Variants in ANO3 observed in about 807,000 individuals in gnomAD.
ANO3 encodes anoctamin-3.
Under a neutral mutation model 144.8 loss-of-function variants are expected in ANO3, and 99 were observed. The observed-to-expected ratio is 0.68, with a 90% CI of 0.58 to 0.81. The LOEUF is 0.81. Ranked by LOEUF, ANO3 falls within the 30% of genes least tolerant of loss-of-function variation. ANO3 has a pLI of 0.00. For synonymous variants in ANO3, 414 were observed against 392.6 expected (o/e 1.05, Z -0.64); for missense variants, 905 against 1,202.2 (o/e 0.75, Z 3.66).
chr11:26,338,164 G>T (rs751381076), intron 1 of ANO3, among the ~76,000 whole-genome samples: 41 of 152,014 alleles, frequency 2.7e-4, no homozygotes, highest in Non-Finnish European at 4.7e-4. Context: ...ATATTGTGTG[G>T]ACACTATTAC....
chr11:26,241,411 C>T (rs752337476), intron 1 of ANO3, among the ~76,000 whole-genome samples: 14 of 152,112 alleles, frequency 9.2e-5, no homozygotes, highest in Non-Finnish European at 1.3e-4. Context: ...AATATTGCCC[C>T]TGATTTTGTC....
chr11:26,244,988 T>TGG (rs1852751644), intron 1 of ANO3, among the ~76,000 whole-genome samples: 1 of 129,156 alleles, frequency 7.7e-6, no homozygotes, highest in Non-Finnish European at 1.7e-5. Context: ...TGTGTGTGTG[T>TGG]GTGTGTGTGT....
intron 1 of ANO3, among the ~76,000 whole-genome samples, chr11:26,438,152 T>C (rs1858360596): frequency 6.6e-6 from 1 of 152,182 alleles, no homozygotes; most frequent in Non-Finnish European, 1.5e-5. Flanking sequence ...CAATTGATTA[T>C]TTATAATTTC....
chr11:26,495,494 T>C (rs992573087), intron 4 of ANO3, among the ~76,000 whole-genome samples: 7 of 152,138 alleles, frequency 4.6e-5, no homozygotes, highest in Non-Finnish European at 1.0e-4. Flanking sequence ...TTTTATGATA[T>C]GTTTTCCATG....
intron 24 of ANO3, among the ~76,000 whole-genome samples, chr11:26,652,585 T>C (rs1044425771): frequency 1.3e-5 from 2 of 152,218 alleles, no homozygotes; most frequent in Non-Finnish European, 2.9e-5. Flanking sequence ...ATACATTATG[T>C]ATTTTGCCTC....
intron 14 of ANO3, among the ~76,000 whole-genome samples, chr11:26,564,720 CACACACACACACATATATATATAT>C (rs1488770193): frequency 2.4e-3 from 180 of 75,474 alleles, no homozygotes; most frequent in Non-Finnish European, 4.0e-3. Context: ...CACACACACA[CACACACACACACATATATATATAT>C]ATATATATAT....
chr11:26,464,918 G>A (rs773709650), intron 4 of ANO3, among the ~76,000 whole-genome samples: 2 of 151,726 alleles, frequency 1.3e-5, no homozygotes, highest in Non-Finnish European at 2.9e-5. Flanking sequence ...TAACCAGAAT[G>A]TTTAAATGCC....
intron 1 of ANO3, among the ~76,000 whole-genome samples, chr11:26,320,950 G>T (rs1312110507): frequency 1.3e-5 from 2 of 151,996 alleles, no homozygotes; most frequent in Non-Finnish European, 2.9e-5. Flanking sequence ...GATATGCTTG[G>T]CTGGATTCAT....
intron 1 of ANO3, among the ~76,000 whole-genome samples, chr11:26,387,705 G>T (rs1590318034): frequency 6.6e-6 from 1 of 151,954 alleles, no homozygotes; most frequent in East Asian, 1.9e-4. Flanking sequence ...GTGTCTTTGG[G>T]TTATCTTTTT....
At chr11:26,629,550 A>C (rs2133028445) in intron 18 of ANO3, among the ~76,000 whole-genome samples, 1 of 152,282 alleles carries the variant, frequency 6.6e-6, no homozygotes, top group South Asian at 2.1e-4. Flanking sequence ...AGGACCTAAT[A>C]TTTTAGACAA....
intron 14 of ANO3, chr11:26,565,461 G>T (rs1850532540): frequency 6.2e-7 from 1 of 1,613,202 alleles, no homozygotes; most frequent in African/African-American, 1.3e-5. Flanking sequence ...TGCTGAGATG[G>T]GCAAAAGATC....
chr11:26,559,237 A>G (rs1850185842), intron 13 of ANO3: 1 of 153,882 alleles, frequency 6.5e-6, no homozygotes, highest in African/African-American at 2.4e-5. Context: ...TATTGGACCC[A>G]TTCTACATTT....
chr11:26,615,595 G>A (rs1239829398), intron 17 of ANO3, among the ~76,000 whole-genome samples: 1 of 151,850 alleles, frequency 6.6e-6, no homozygotes, highest in Non-Finnish European at 1.5e-5. Flanking sequence ...GATATTGAAA[G>A]ACTAAATGAG....
At chr11:26,601,393 G>A (rs1851795816) in intron 17 of ANO3, among the ~76,000 whole-genome samples, 1 of 152,160 alleles carries the variant, frequency 6.6e-6, no homozygotes, top group Non-Finnish European at 1.5e-5. Flanking sequence ...ATTATTATGA[G>A]GACAATAGTT....
chr11:26,479,705 T>G (rs1197291317), intron 4 of ANO3, among the ~76,000 whole-genome samples: 1 of 152,184 alleles, frequency 6.6e-6, no homozygotes, highest in African/African-American at 2.4e-5. Flanking sequence ...CCAAACCATA[T>G]CAGTGTCTAT....
intron 3 of ANO3, among the ~76,000 whole-genome samples, chr11:26,451,155 G>A (rs149926358): frequency 0.065 from 9,932 of 152,238 alleles, 441 homozygotes; most frequent in African/African-American, 0.12. Context: ...CAGCCTGAGC[G>A]ACGCAGAAGA....
rs145583088 is a variant in ANO3, at chr11:26,659,079, T to TACACACACACAC, written c.2764-1173_2764-1162dup. Among the ~76,000 whole-genome samples, 743 of 147,714 alleles carry TACACACACACAC rather than the reference T, an allele frequency of 5.0e-3. 5 individuals carry two copies. The highest frequency in any genetic ancestry group is 7.3e-3 in the South Asian group (34 of 4,670). ...ACTATGACAAGCAATCCTTGAGCCA[T>TACACACACACAC]ACACACACACACACACACACATATA... is the stretch of plus-strand genomic sequence containing the variant. On this transcript the variant is annotated intron_variant, in intron 26 of 26. Transcript: ENST00000256737.
intron 1 of ANO3, among the ~76,000 whole-genome samples, chr11:26,440,540 T>C (rs1042866910): frequency 1.6e-4 from 24 of 152,142 alleles, no homozygotes; most frequent in Admixed American, 6.6e-5. Flanking sequence ...ATTTGAATAC[T>C]GATTTTTAGA....
At chr11:26,600,809 T>C (rs936190808) in intron 17 of ANO3, among the ~76,000 whole-genome samples, 5 of 151,930 alleles carry the variant, frequency 3.3e-5, no homozygotes, top group African/African-American at 1.2e-4. Context: ...TCTATGACCA[T>C]GTTCCTCATG....
Sources: allele counts gnomAD v4.1 joint callset (sites outside exome capture counted in the v4.1 genomes callset), GRCh38; gene constraint gnomAD v4.1.1; transcripts MANE v1.5; gene names NCBI Gene and HGNC (gene_info 2026-07-23, HGNC 2026-07-21).